The following FA2H variants were observed in gnomAD, a reference collection of about 807,000 sequenced individuals.
FA2H encodes fatty acid 2-hydroxylase, also known as fatty acid alpha-hydroxylase.
In FA2H, 22 loss-of-function variants were observed where a neutral mutation model predicts 44.9. The observed-to-expected ratio is 0.49, with a 90% CI of 0.35 to 0.70. The LOEUF (loss-of-function observed/expected upper bound fraction) is 0.70, where lower values mean the gene tolerates loss of function less well. FA2H is among the 30% of genes least tolerant of loss of function. The probability of loss-of-function intolerance (pLI) is 0.01; values close to 1 mark genes in which losing one functional copy is unlikely to be tolerated. For synonymous variants in FA2H, 243 were observed against 213.2 expected, an observed-to-expected ratio of 1.14 and a Z score of -1.22; for missense variants, 501 against 504.9, an observed-to-expected ratio of 0.99 and a Z score of 0.07.
intron 2 of FA2H, among the ~76,000 whole-genome samples, chr16:74,733,092 C>T (rs1014080745): frequency 1.6e-4 from 25 of 152,338 alleles, no homozygotes; most frequent in Non-Finnish European, 2.8e-4. Context: ...GCCTCACACC[C>T]GAGCTCTGTA....
At chr16:74,757,998 G>C (rs1962640159) in intron 1 of FA2H, among the ~76,000 whole-genome samples, 1 of 152,032 alleles carries the variant, frequency 6.6e-6, no homozygotes, top group Non-Finnish European at 1.5e-5. Context: ...CAGTCTGGGT[G>C]ATAGAGTGAG....
intron 4 of FA2H, among the ~76,000 whole-genome samples, chr16:74,720,537 A>G (rs1181537262): frequency 6.6e-6 from 1 of 152,042 alleles, no homozygotes; most frequent in Non-Finnish European, 1.5e-5. Context: ...TCTACAAACC[A>G]TAGCTTTGGC....
chr16:74,767,291 G>A (rs1962827488), intron 1 of FA2H, among the ~76,000 whole-genome samples: 1 of 152,064 alleles, frequency 6.6e-6, no homozygotes, highest in African/African-American at 2.4e-5. Context: ...CCTGGTGACA[G>A]AGGGAGACTC....
At chr16:74,755,806 G>A (rs146903540) in intron 1 of FA2H, among the ~76,000 whole-genome samples, 3 of 152,206 alleles carry the variant, frequency 2.0e-5, no homozygotes, top group Non-Finnish European at 4.4e-5. Flanking sequence ...ACCTGCTTAG[G>A]AGTGACTATA....
In FA2H at chr16:74,716,580, C is replaced by T. The variant is rs1429546236; in HGVS notation, c.806G>A (p.Arg269His). 5.1e-6 allele frequency: 8 copies of T among 1,574,258 alleles called. No homozygotes were observed. Among genetic ancestry groups the T allele is most frequent in the South Asian group, 2.3e-5 (2 of 87,008 alleles). The change falls in exon 6 of 7, where the codon CGC (arginine) becomes CAC (histidine). Residue 269 changes from arginine (R) to histidine (H), a missense_variant. Physicochemically the swap from Arg to His is conservative, Grantham distance 29 (BLOSUM62 0). Coordinates refer to ENST00000219368, the MANE Select transcript of FA2H (RefSeq NM_024306.5). ...QHHKAPFDGS[R>H]LVFPPVPASL... Reference sequence around the variant, plus strand: ...GGCTGGCACAGGGGGGAAGACCAGGCGGGAGCCGTCGAAGGGTGCCTGCAG... The same window carrying T: ...GGCTGGCACAGGGGGGAAGACCAGGTGGGAGCCGTCGAAGGGTGCCTGCAG...
chr16:74,734,124 G>A (rs1962134253), intron 2 of FA2H, among the ~76,000 whole-genome samples: 1 of 152,256 alleles, frequency 6.6e-6, no homozygotes. Context: ...AAGGCTCGGG[G>A]GACAGAGGGA....
intron 1 of FA2H, among the ~76,000 whole-genome samples, chr16:74,767,827 G>T (rs1962836981): frequency 6.6e-6 from 1 of 152,244 alleles, no homozygotes; most frequent in South Asian, 2.1e-4. Context: ...AATCAAAAAT[G>T]AATTCAGGTG....
At chr16:74,725,471 T>C (rs866562493) in intron 4 of FA2H, among the ~76,000 whole-genome samples, 2 of 152,196 alleles carry the variant, frequency 1.3e-5, no homozygotes, top group South Asian at 2.1e-4. Context: ...ATAGGCTCTT[T>C]AGACACTGCC....
intron 2 of FA2H, 139 bp downstream of exon 2, chr16:74,739,884 T>C (rs1962257524): frequency 3.9e-6 from 3 of 777,964 alleles, no homozygotes; most frequent in East Asian, 2.4e-5. Context: ...GCCTCTGGGC[T>C]GTGGACACCT....
chr16:74,740,099 T>G lies in FA2H; in HGVS notation c.287A>C (p.Glu96Ala). 1 of 1,613,518 alleles carries G rather than the reference T, an allele frequency of 6.2e-7. No individual in the cohort carries two copies. Among genetic ancestry groups the G allele is most frequent in the Non-Finnish European group, 8.5e-7 (1 of 1,179,464 alleles). Residue 96 changes from glutamate to alanine, a missense_variant, in exon 2 of 7, where the codon GAG becomes GCG. By Grantham distance (107) the Glu-to-Ala change is moderately radical (BLOSUM62 -1). Coordinates refer to ENST00000219368, the MANE Select transcript of FA2H (RefSeq NM_024306.5). Reference protein sequence around the residue: ...RGEQQGSMENEPVALEETQKT... With the variant: ...RGEQQGSMENAPVALEETQKT... ...CTGAGTTTCCTCAAGGGCTACAGGC[T>G]CGTTCTCCATGGAGCCCTGGAAGGA...
intron 1 of FA2H, among the ~76,000 whole-genome samples, chr16:74,772,101 T>C (rs558308384): frequency 6.6e-6 from 1 of 152,232 alleles, no homozygotes; most frequent in Non-Finnish European, 1.5e-5. Context: ...GACCACAGCC[T>C]ACGAAGCCCC....
chr16:74,774,512 C>G lies in FA2H; in HGVS notation c.244G>C (p.Val82Leu), dbSNP rs942823747. Residue 82 changes from valine to leucine, a missense_variant, in exon 1 of 7, where the codon GTG becomes CTG. By Grantham distance (32) the Val-to-Leu change is conservative (BLOSUM62 1). Transcript: ENST00000219368. ...TGCTGCTCCCCGCGGAGCTCTCCCA[C>G]GTAGTACTGCTCCAGCCAGCGGCGC... ...NARRWLEQYY[V>L]GELRGEQQGS... 5.2e-6 allele frequency: 8 copies of G among 1,553,370 alleles called. No homozygotes were observed. In the African/African-American group the frequency reaches 1.1e-4, roughly 21 times the overall value.
At chr16:74,752,513 A>T (rs56017540) in intron 1 of FA2H, among the ~76,000 whole-genome samples, 29,112 of 151,914 alleles carry the variant, frequency 0.19, 3,394 homozygotes, top group Non-Finnish European at 0.25. Context: ...CTCTGCCTGG[A>T]ATGTTTCTGA....
At position 74,714,205 on chromosome 16, in the gene FA2H, G is replaced by C. The variant is rs910812066; in HGVS notation, c.1104C>G (p.His368Gln). Residue 368 changes from histidine to glutamine, a missense_variant, in exon 7 of 7, where the codon CAC (histidine) becomes CAG (glutamine). Physicochemically the swap from His to Gln is conservative, Grantham distance 24 (BLOSUM62 0). Transcript: ENST00000219368. The part of the protein sequence containing the change: ...CFHTLTPEKP[H>Q]LKTQ ...GTGGGAGTTGTCACTGCGTCTTCAG[G>C]TGGGGTTTCTCTGGAGTGAGGGTGT... 1.3e-6 allele frequency: 2 copies of C among 1,564,342 alleles called. No individual in the cohort carries two copies. Among genetic ancestry groups the C allele is most frequent in the Non-Finnish European group, 1.7e-6 (2 of 1,153,842 alleles).
chr16:74,739,802 C>G (rs1490067411), intron 2 of FA2H, among the ~76,000 whole-genome samples: 2 of 152,182 alleles, frequency 1.3e-5, no homozygotes, highest in Non-Finnish European at 2.9e-5. Context: ...CAGAACTTGT[C>G]TGCTATTTTT....
chr16:74,761,785 A>T (rs1266597468), intron 1 of FA2H, among the ~76,000 whole-genome samples: 1 of 152,214 alleles, frequency 6.6e-6, no homozygotes, highest in Non-Finnish European at 1.5e-5. Flanking sequence ...ATAAACATCC[A>T]TGCAGAAAAA....
At chr16:74,727,501 G>T in intron 2 of FA2H, 115 bp from the exon 3 acceptor site, 2 of 1,147,686 alleles carry the variant, frequency 1.7e-6, no homozygotes, top group Non-Finnish European at 2.6e-6. Context: ...CCTGTGATCT[G>T]TGTGGGGCCA....
At chr16:74,731,052 T>C (rs749324381) in intron 2 of FA2H, among the ~76,000 whole-genome samples, 5 of 152,186 alleles carry the variant, frequency 3.3e-5, no homozygotes, top group Admixed American at 1.3e-4. Flanking sequence ...TGTTTTCCCA[T>C]ACTTTTACTT....
intron 5 of FA2H, among the ~76,000 whole-genome samples, chr16:74,717,689 A>G (rs1307020427): frequency 6.6e-6 from 1 of 152,250 alleles, no homozygotes; most frequent in African/African-American, 2.4e-5. Context: ...ACGTGGCTAC[A>G]GGCCATACAG....
Sources: gnomAD v4.1 joint callset for allele counts (sites outside exome capture counted in the v4.1 genomes callset) on GRCh38, gnomAD v4.1.1 for gene constraint, MANE v1.5 for transcripts, NCBI Gene and HGNC (gene_info 2026-07-23, HGNC 2026-07-21) for gene names.